MEIS1: variants seen among roughly 807,000 people sequenced by gnomAD.
MEIS1 encodes the protein Meis homeobox 1.
In MEIS1, 5 loss-of-function variants were observed where a neutral mutation model predicts 50.8. The observed-to-expected ratio is 0.10, with a 90% CI of 0.05 to 0.21. MEIS1 has a LOEUF of 0.21. Among genes scored for constraint, MEIS1 ranks in the 10% least tolerant of loss-of-function variants. The pLI is 1.00. For missense variants in MEIS1, 318 were observed against 517.3 expected (o/e 0.61, Z 3.74); for synonymous variants, 176 against 179.3 (o/e 0.98, Z 0.15).
intron 8 of MEIS1, among the ~76,000 whole-genome samples, chr2:66,528,836 T>A (rs1334118865): frequency 6.6e-6 from 1 of 152,096 alleles, no homozygotes. Context: ...GAGACAAACA[T>A]CCGTGGTGTG....
intron 7 of MEIS1, among the ~76,000 whole-genome samples, chr2:66,511,785 G>A (rs1014568069): frequency 1.3e-5 from 2 of 152,162 alleles, no homozygotes; most frequent in African/African-American, 2.4e-5. Context: ...CAGCCATAGC[G>A]CCACAGCTAA....
chr2:66,491,150 A>T (rs1260431883), intron 7 of MEIS1, among the ~76,000 whole-genome samples: 1 of 152,234 alleles, frequency 6.6e-6, no homozygotes, highest in Admixed American at 6.5e-5. Context: ...CTCAAAGCAC[A>T]CACTGCTGGG....
At chr2:66,465,204 A>T (rs565051116) in intron 7 of MEIS1, among the ~76,000 whole-genome samples, 2 of 152,348 alleles carry the variant, frequency 1.3e-5, no homozygotes, top group South Asian at 4.1e-4. Flanking sequence ...GAAAACAAAA[A>T]CAGGAAAGTT....
chr2:66,439,781 C>T lies in MEIS1; in HGVS notation c.240-62C>T, dbSNP rs1484947440. On this transcript the variant is annotated intron_variant, in intron 2 of 12. Coordinates refer to ENST00000272369, the MANE Select transcript of MEIS1 (RefSeq NM_002398.3). ...CTCCTCCAGCTGTTTTTCTTGGGCA[C>T]CTTTTTCCATTGACTGGGGACTAAC... 17 of 1,606,882 alleles carry T rather than the reference C, an allele frequency of 1.1e-5. 1 individual carries two copies. Among genetic ancestry groups the T allele is most frequent in the Middle Eastern group, 3.3e-4 (2 of 6,036 alleles).
intron 9 of MEIS1, among the ~76,000 whole-genome samples, chr2:66,561,691 T>C (rs2216122): frequency 0.13 from 20,361 of 152,226 alleles, 1,428 homozygotes; most frequent in African/African-American, 0.16. Context: ...AACAAAATCT[T>C]TTCTTAATAG....
At chr2:66,460,371 G>A (rs115973590) in intron 6 of MEIS1, among the ~76,000 whole-genome samples, 1,873 of 152,044 alleles carry the variant, frequency 0.012, 39 homozygotes, top group African/African-American at 0.043. Context: ...TACCATACAT[G>A]GAATCAGAAA....
At chr2:66,502,511 T>A (rs556842763) in intron 7 of MEIS1, among the ~76,000 whole-genome samples, 1 of 152,352 alleles carries the variant, frequency 6.6e-6, no homozygotes, top group South Asian at 2.1e-4. Context: ...AGGCCATCAG[T>A]CATTTCACCC....
At chr2:66,548,535 C>T (rs2103932187) in intron 9 of MEIS1, among the ~76,000 whole-genome samples, 1 of 152,224 alleles carries the variant, frequency 6.6e-6, no homozygotes, top group African/African-American at 2.4e-5. Flanking sequence ...TATTCCAAAC[C>T]TGAGGCATCT....
chr2:66,501,580 C>G (rs753515631), intron 7 of MEIS1, among the ~76,000 whole-genome samples: 3 of 146,384 alleles, frequency 2.0e-5, no homozygotes, highest in Non-Finnish European at 4.5e-5. Flanking sequence ...GAGGGGAATT[C>G]AAGTCAAAAA....
intron 6 of MEIS1, among the ~76,000 whole-genome samples, chr2:66,462,650 C>A (rs1672545577): frequency 6.6e-6 from 1 of 152,152 alleles, no homozygotes; most frequent in Non-Finnish European, 1.5e-5. Context: ...TAACTGTTTG[C>A]ATTCTGAGCG....
chr2:66,487,593 T>C (rs2103799367), intron 7 of MEIS1, among the ~76,000 whole-genome samples: 1 of 152,358 alleles, frequency 6.6e-6, no homozygotes, highest in Middle Eastern at 3.4e-3. Context: ...GATCAGTGTC[T>C]ATTTTAAGTA....
chr2:66,474,939 A>T (rs1672853457), intron 7 of MEIS1, among the ~76,000 whole-genome samples: 1 of 152,046 alleles, frequency 6.6e-6, no homozygotes, highest in Non-Finnish European at 1.5e-5. Flanking sequence ...AGAGAACTAC[A>T]GAGTGAATGC....
chr2:66,554,928 C>T (rs919772771), intron 9 of MEIS1, among the ~76,000 whole-genome samples: 2 of 152,080 alleles, frequency 1.3e-5, no homozygotes, highest in African/African-American at 2.4e-5. Flanking sequence ...TGTGTGCTGT[C>T]ATTTTAGGAT....
intron 7 of MEIS1, among the ~76,000 whole-genome samples, chr2:66,466,987 A>G (rs1412614960): frequency 1.3e-5 from 2 of 152,090 alleles, no homozygotes; most frequent in Non-Finnish European, 2.9e-5. Flanking sequence ...AGAAAAGAAA[A>G]CAAAAAAGAA....
chr2:66,497,293 T>C (rs371345797), intron 7 of MEIS1, among the ~76,000 whole-genome samples: 1 of 152,234 alleles, frequency 6.6e-6, no homozygotes, highest in East Asian at 1.9e-4. Context: ...CTTATCTGTA[T>C]AGCAGCCTAT....
chr2:66,493,292 T>A (rs1673318076), intron 7 of MEIS1, among the ~76,000 whole-genome samples: 1 of 152,212 alleles, frequency 6.6e-6, no homozygotes. Flanking sequence ...ACTCTTCCAG[T>A]AATATAGTTA....
chr2:66,546,372 G>A (rs1674792518), intron 8 of MEIS1, among the ~76,000 whole-genome samples: 1 of 152,162 alleles, frequency 6.6e-6, no homozygotes, highest in Admixed American at 6.5e-5. Context: ...TGAGAAGTGG[G>A]CAAGGCTGGA....
chr2:66,441,323 TG>T, intron 4 of MEIS1, 90 bp from the exon 5 acceptor site: 1 of 1,057,326 alleles, frequency 9.5e-7, no homozygotes, highest in Non-Finnish European at 1.3e-6. Context: ...TATTTACTGG[TG>T]GGAGGGGGTG....
intron 6 of MEIS1, among the ~76,000 whole-genome samples, chr2:66,460,931 C>T (rs1003751989): frequency 6.6e-6 from 1 of 152,124 alleles, no homozygotes; most frequent in Admixed American, 6.5e-5. Flanking sequence ...TCCAACAAGA[C>T]CACCCTAAAA....
Sources: allele counts gnomAD v4.1 joint callset (sites outside exome capture counted in the v4.1 genomes callset), GRCh38; gene constraint gnomAD v4.1.1; transcripts MANE v1.5; gene names NCBI Gene and HGNC (gene_info 2026-07-23, HGNC 2026-07-21).